KCTD8: variants seen among roughly 807,000 people sequenced by gnomAD.
The protein encoded by KCTD8 is potassium channel tetramerization domain containing 8.
Under a neutral mutation model 31.5 loss-of-function variants are expected in KCTD8, and 27 were observed. That is an observed-to-expected ratio of 0.86 (90% CI 0.63 to 1.18). KCTD8 has a LOEUF of 1.18. Among genes scored for constraint, KCTD8 ranks in the 50% most tolerant of loss-of-function variants. The pLI is 0.00. For missense variants in KCTD8, 658 were observed against 647.7 expected (o/e 1.02, Z -0.17); for synonymous variants, 290 against 280.0 (o/e 1.04, Z -0.36).
At chr4:44,388,525 T>C (rs1392954862) in intron 1 of KCTD8, among the ~76,000 whole-genome samples, 2 of 151,918 alleles carry the variant, frequency 1.3e-5, no homozygotes, top group Non-Finnish European at 2.9e-5. Flanking sequence ...TATGCAGCTA[T>C]AAAAAGCAAT....
chr4:44,337,199 G>C (rs1200095930), intron 1 of KCTD8, among the ~76,000 whole-genome samples: 1 of 152,074 alleles, frequency 6.6e-6, no homozygotes, highest in East Asian at 1.9e-4. Context: ...TTGTTGGCCA[G>C]CGTTCAGTAA....
Position 44,447,554 on chromosome 4 carries a change from C to A in KCTD8, c.961+9G>T. On this transcript the variant is annotated intron_variant, in intron 1 of 1. Transcript: ENST00000360029. The stretch of plus-strand genomic sequence containing the variant: ...GGGGTGCTGGGAAACGCCGGGGCTG[C>A]GAACTTACGGAAGAAAATGTACTCG... The A allele has an allele frequency of 1.9e-6, 3 of 1,539,392 alleles. No homozygotes were observed. The highest frequency in any genetic ancestry group is 1.2e-5 in the South Asian group (1 of 80,090).
At chr4:44,395,528 T>C (rs891644812) in intron 1 of KCTD8, among the ~76,000 whole-genome samples, 1 of 152,036 alleles carries the variant, frequency 6.6e-6, no homozygotes, top group Admixed American at 6.6e-5. Flanking sequence ...GGCATAAAAA[T>C]GGATGGCACA....
intron 1 of KCTD8, among the ~76,000 whole-genome samples, chr4:44,281,419 A>G (rs1318715667): frequency 1.3e-5 from 2 of 152,106 alleles, no homozygotes; most frequent in Non-Finnish European, 2.9e-5. Flanking sequence ...CTTGGCACAT[A>G]TTAAGTCATA....
At chr4:44,311,617 G>T (rs983755894) in intron 1 of KCTD8, among the ~76,000 whole-genome samples, 1 of 151,878 alleles carries the variant, frequency 6.6e-6, no homozygotes, top group African/African-American at 2.4e-5. Flanking sequence ...ACCAAGTGAA[G>T]ATATACAGTA....
At chr4:44,355,843 T>C (rs1450247919) in intron 1 of KCTD8, among the ~76,000 whole-genome samples, 1 of 152,176 alleles carries the variant, frequency 6.6e-6, no homozygotes, top group Non-Finnish European at 1.5e-5. Context: ...TTGTCTTCTA[T>C]TAATATATGG....
At position 44,264,670 on chromosome 4, in the gene KCTD8, G is replaced by A. The variant is rs575246450; in HGVS notation, c.962-89420C>T. ...TGACAGAGGGCACCTGGAAAATCGG[G>A]TCACTCCCCCCCGAATACTGCTCTT... On this transcript the variant is annotated intron_variant, in intron 1 of 1. Coordinates refer to ENST00000360029, the MANE Select transcript of KCTD8 (RefSeq NM_198353.3). Among the ~76,000 whole-genome samples, 4 of 152,272 alleles carry A rather than the reference G, an allele frequency of 2.6e-5. No homozygotes were observed. In the South Asian group the frequency reaches 8.3e-4, roughly 32 times the overall value.
At chr4:44,189,269 C>T (rs889277645) in intron 1 of KCTD8, among the ~76,000 whole-genome samples, 1 of 152,270 alleles carries the variant, frequency 6.6e-6, no homozygotes, top group African/African-American at 2.4e-5. Flanking sequence ...AATTTGTCTC[C>T]TCAAATACTG....
intron 1 of KCTD8, among the ~76,000 whole-genome samples, chr4:44,279,710 C>T (rs1716847163): frequency 6.6e-6 from 1 of 152,000 alleles, no homozygotes; most frequent in Non-Finnish European, 1.5e-5. Flanking sequence ...AGTAAGTAAA[C>T]ACATATGCAG....
intron 1 of KCTD8, among the ~76,000 whole-genome samples, chr4:44,209,038 A>T (rs1300177193): frequency 2.0e-5 from 3 of 152,104 alleles, no homozygotes; most frequent in Admixed American, 6.6e-5. Context: ...AATGTTATGT[A>T]TTTCTGTTTA....
chr4:44,179,185 T>C (rs1411850939), intron 1 of KCTD8, among the ~76,000 whole-genome samples: 1 of 152,108 alleles, frequency 6.6e-6, no homozygotes, highest in Non-Finnish European at 1.5e-5. Flanking sequence ...TTTCAAATTT[T>C]CTTTGCCACC....
intron 1 of KCTD8, among the ~76,000 whole-genome samples, chr4:44,305,082 A>T (rs1717761344): frequency 6.6e-6 from 1 of 152,156 alleles, no homozygotes; most frequent in Admixed American, 6.6e-5. Context: ...AAAGGATTTG[A>T]TTAATCACAT....
chr4:44,195,489 G>A lies in KCTD8; in HGVS notation c.962-20239C>T, dbSNP rs554219889. Among the ~76,000 whole-genome samples the A allele has an allele frequency of 1.0e-3, 154 of 152,274 alleles. 1 individual carries two copies. The highest frequency in any genetic ancestry group is 3.6e-3 in the African/African-American group (148 of 41,570). ...TAAGGTTAAGAGGAAAGATCATACAGAAGACCAAGAAGATTCTGATTTTGT... is the reference window on the plus strand; with the variant it reads ...TAAGGTTAAGAGGAAAGATCATACAAAAGACCAAGAAGATTCTGATTTTGT... On this transcript the variant is annotated intron_variant, in intron 1 of 1. Transcript: ENST00000360029.
chr4:44,362,191 C>G (rs866641397), intron 1 of KCTD8, among the ~76,000 whole-genome samples: 7 of 152,082 alleles, frequency 4.6e-5, no homozygotes, highest in African/African-American at 7.2e-5. Context: ...GCCAGCCACA[C>G]GTAGGTGAGT....
chr4:44,333,312 A>G (rs1718637548), intron 1 of KCTD8, among the ~76,000 whole-genome samples: 1 of 152,120 alleles, frequency 6.6e-6, no homozygotes, highest in Admixed American at 6.6e-5. Flanking sequence ...TGTATAAAGA[A>G]TATCATGCAC....
At chr4:44,415,217 A>T (rs1349300971) in intron 1 of KCTD8, among the ~76,000 whole-genome samples, 1 of 152,200 alleles carries the variant, frequency 6.6e-6, no homozygotes, top group Non-Finnish European at 1.5e-5. Flanking sequence ...TCTAAGCAGC[A>T]AGGTGTTCAA....
intron 1 of KCTD8, among the ~76,000 whole-genome samples, chr4:44,436,600 T>C (rs1159885543): frequency 6.6e-6 from 1 of 152,138 alleles, no homozygotes; most frequent in Non-Finnish European, 1.5e-5. Flanking sequence ...TGTTTTTAAA[T>C]ATGCATTTTT....
chr4:44,405,155 G>A (rs1168289719), intron 1 of KCTD8, among the ~76,000 whole-genome samples: 5 of 150,712 alleles, frequency 3.3e-5, no homozygotes, highest in Admixed American at 1.3e-4. Context: ...ACACCCTTAC[G>A]TGCTTACATG....
chr4:44,276,064 C>A (rs991270378), intron 1 of KCTD8, among the ~76,000 whole-genome samples: 3 of 151,876 alleles, frequency 2.0e-5, no homozygotes, highest in Admixed American at 6.6e-5. Flanking sequence ...AGAGTGGCAT[C>A]CCAAGGGTGG....
Sources: gnomAD v4.1 joint callset for allele counts (sites outside exome capture counted in the v4.1 genomes callset) on GRCh38, gnomAD v4.1.1 for gene constraint, MANE v1.5 for transcripts, NCBI Gene and HGNC (gene_info 2026-07-23, HGNC 2026-07-21) for gene names.